The following FGF13 variants were observed in gnomAD, a reference collection of about 807,000 sequenced individuals.
The protein encoded by FGF13 is fibroblast growth factor 13.
A neutral mutation model predicts 19.5 loss-of-function variants in FGF13; 2 were observed. That is an observed-to-expected ratio of 0.10 (90% confidence interval 0.04 to 0.32). The LOEUF is 0.32. Ranked by LOEUF, FGF13 falls within the 10% of genes least tolerant of loss-of-function variation. FGF13 has a pLI of 1.00. For missense variants in FGF13, 113 were observed against 192.7 expected (o/e 0.59, Z 2.45); for synonymous variants, 72 against 76.9 (o/e 0.94, Z 0.33).
chrX:139,162,029 C>T (rs956895857), intron 1 of FGF13, among the ~76,000 whole-genome samples: 4 of 111,945 alleles, frequency 3.6e-5, no homozygotes, highest in Non-Finnish European at 7.5e-5. Flanking sequence ...ACTTTCTTCA[C>T]ACAATTAGAA....
intron 1 of FGF13, among the ~76,000 whole-genome samples, chrX:139,194,574 T>C (rs1227177578): frequency 8.9e-6 from 1 of 112,277 alleles, no homozygotes; most frequent in African/African-American, 3.2e-5. Flanking sequence ...GGTCAAGCCC[T>C]GACTTCAAGG....
chrX:138,851,198 A>C (rs2091219431), intron 3 of FGF13, among the ~76,000 whole-genome samples: 1 of 112,058 alleles, frequency 8.9e-6, no homozygotes, highest in African/African-American at 3.2e-5. Flanking sequence ...TGCAGTGAAC[A>C]TATGTATGCA....
At chrX:139,029,096 T>C (rs180875062) in intron 1 of FGF13, among the ~76,000 whole-genome samples, 2 of 111,282 alleles carry the variant, frequency 1.8e-5, no homozygotes. Context: ...AGGATTATTA[T>C]ATGTAGCAAT....
At chrX:138,675,259 CA>C (rs1279824312) in intron 3 of FGF13, among the ~76,000 whole-genome samples, 37 of 112,149 alleles carry the variant, frequency 3.3e-4, no homozygotes, top group Non-Finnish European at 6.4e-4. Flanking sequence ...TTGTACGATG[CA>C]AACGCAGAGC....
intron 3 of FGF13, among the ~76,000 whole-genome samples, chrX:138,675,853 C>T (rs995828632): frequency 2.7e-5 from 3 of 110,856 alleles, no homozygotes; most frequent in South Asian, 7.5e-4. Context: ...CGGGCATAAA[C>T]GTAAGAATCA....
chrX:138,635,124 G>A (rs17510277), intron 4 of FGF13, among the ~76,000 whole-genome samples: 9,298 of 111,858 alleles, frequency 0.083, 314 homozygotes, highest in Middle Eastern at 0.14. Flanking sequence ...GCCATTATTC[G>A]AAGTGAGGTA....
intron 3 of FGF13, among the ~76,000 whole-genome samples, chrX:138,698,244 G>A (rs1207741969): frequency 1.8e-5 from 2 of 110,661 alleles, no homozygotes; most frequent in Non-Finnish European, 3.8e-5. Flanking sequence ...TAACAATGTG[G>A]AGGTGTCGTT....
rs1444706506 is a variant in FGF13 at position 138,847,691 on chromosome X, A to T, written c.217+9821T>A. Reference sequence around the variant, plus strand: ...TAGAGTATAAGAAATGAATATCAGAATCCACGTAGTTTAAAATGCTAGGAA... The same window carrying T: ...TAGAGTATAAGAAATGAATATCAGATTCCACGTAGTTTAAAATGCTAGGAA... On this transcript the variant is annotated intron_variant, in intron 3 of 6. Transcript: ENST00000436198. 3.6e-5 allele frequency among the ~76,000 whole-genome samples: 4 copies of T among 112,306 alleles called. 1 individual carries two copies. Among genetic ancestry groups the T allele is most frequent in the Non-Finnish European group, 7.5e-5 (4 of 53,228 alleles).
At chrX:139,167,961 G>A (rs2084099888) in intron 1 of FGF13, among the ~76,000 whole-genome samples, 1 of 112,285 alleles carries the variant, frequency 8.9e-6, no homozygotes, top group African/African-American at 3.2e-5. Flanking sequence ...TACAATTGTA[G>A]TTAAAGAGAA....
At chrX:138,824,482 T>C (rs2091020652) in intron 3 of FGF13, among the ~76,000 whole-genome samples, 1 of 111,841 alleles carries the variant, frequency 8.9e-6, no homozygotes, top group South Asian at 3.8e-4. Flanking sequence ...TAGGGAGAAT[T>C]ATTCTTTTTA....
At chrX:139,192,681 G>T (rs564160394) in intron 1 of FGF13, among the ~76,000 whole-genome samples, 1 of 111,454 alleles carries the variant, frequency 9.0e-6, no homozygotes, top group South Asian at 3.9e-4. Context: ...GGTATATGTG[G>T]TTAGACGTGA....
chrX:138,846,727 C>A (rs953561690), intron 3 of FGF13, among the ~76,000 whole-genome samples: 4 of 112,390 alleles, frequency 3.6e-5, no homozygotes, highest in Admixed American at 2.8e-4. Flanking sequence ...AACTGACTAA[C>A]ACATAGGTGG....
At position 138,764,838 on chromosome X, in the gene FGF13, T is replaced by C. The variant is rs2090492614; in HGVS notation, c.218-55910A>G. 4.5e-5 allele frequency among the ~76,000 whole-genome samples: 5 copies of C among 112,180 alleles called. No individual in the cohort carries two copies. In the Admixed American group the frequency reaches 4.7e-4, roughly 11 times the overall value. On this transcript the variant is annotated intron_variant, in intron 3 of 6. Coordinates refer to the FGF13 transcript ENST00000436198. ...CTTTATTTTTAGACTTTTGTAAGGA[T>C]CCAATTAGGTGATGCATATAAACAT...
chrX:138,964,282 T>C (rs2091886428), intron 1 of FGF13, among the ~76,000 whole-genome samples: 2 of 111,890 alleles, frequency 1.8e-5, no homozygotes, highest in Non-Finnish European at 3.8e-5. Flanking sequence ...AACTTAATTC[T>C]AAATCAGAAA....
At chrX:138,930,539 C>T (rs1041711637) in intron 1 of FGF13, among the ~76,000 whole-genome samples, 5 of 111,835 alleles carry the variant, frequency 4.5e-5, no homozygotes, top group Non-Finnish European at 7.5e-5. Flanking sequence ...CCTAGGAGAA[C>T]AGATCTGAAA....
At chrX:138,988,538 G>C (rs12008125) in intron 1 of FGF13, among the ~76,000 whole-genome samples, 1 of 112,057 alleles carries the variant, frequency 8.9e-6, no homozygotes, top group Non-Finnish European at 1.9e-5. Context: ...AAAGGCTCCA[G>C]GTTCTGAATG....
At chrX:138,875,166 A>ACCCG (rs2091380810) in intron 1 of FGF13, among the ~76,000 whole-genome samples, 1 of 105,435 alleles carries the variant, frequency 9.5e-6, no homozygotes, top group Non-Finnish European at 1.9e-5. Flanking sequence ...CGGGAGGCGA[A>ACCCG]GGTTGCAGTG....
intron 3 of FGF13, among the ~76,000 whole-genome samples, chrX:138,637,593 A>G (rs553237224): frequency 8.9e-6 from 1 of 112,403 alleles, no homozygotes; most frequent in African/African-American, 3.2e-5. Context: ...AGCAGCATTC[A>G]TACATTCATT....
At chrX:138,637,764 A>AGGCTT (rs1431316052) in intron 3 of FGF13, among the ~76,000 whole-genome samples, 1 of 112,138 alleles carries the variant, frequency 8.9e-6, no homozygotes, top group African/African-American at 3.2e-5. Context: ...AAAGAAAGGG[A>AGGCTT]GGCTTACAGG....
Sources: allele counts gnomAD v4.1 joint callset (sites outside exome capture counted in the v4.1 genomes callset), GRCh38; gene constraint gnomAD v4.1.1; transcripts MANE v1.5; gene names NCBI Gene and HGNC (gene_info 2026-07-23, HGNC 2026-07-21).